The following XKR9 variants were observed in gnomAD, a reference collection of about 807,000 sequenced individuals.
The protein encoded by XKR9 is XK-related protein 9.
XKR9 carries 32 observed loss-of-function variants against 32.0 expected under a neutral mutation model. The ratio of observed to expected loss-of-function variants is 1.00; its 90% CI spans 0.76 to 1.34. The LOEUF is 1.34. XKR9 is among the 40% of genes most tolerant of loss of function. The probability of loss-of-function intolerance (pLI) is 0.00; values close to 1 mark genes in which losing one functional copy is unlikely to be tolerated. For synonymous variants in XKR9, 168 were observed against 143.4 expected (o/e 1.17, Z -1.22); for missense variants, 546 against 429.7 (o/e 1.27, Z -2.39).
At chr8:71,035,791 C>T in the XKR9 span, among the ~76,000 whole-genome samples, 1 of 152,114 alleles carries the variant, frequency 6.6e-6, no homozygotes, top group Non-Finnish European at 1.5e-5. Context: ...TCTCTCTGAC[C>T]TTCTCCTGCC....
the XKR9 span, among the ~76,000 whole-genome samples, chr8:70,942,982 T>G: frequency 7.9e-5 from 12 of 152,252 alleles, no homozygotes; most frequent in East Asian, 2.3e-3. Flanking sequence ...CTGAAGAGAT[T>G]TACATTTCAA....
chr8:70,796,550 G>T, the XKR9 span, among the ~76,000 whole-genome samples: 1 of 150,962 alleles, frequency 6.6e-6, no homozygotes, highest in Non-Finnish European at 1.5e-5. Flanking sequence ...TTTCTTTTTC[G>T]TTTGTTTTAA....
At chr8:70,840,657 C>A in the XKR9 span, among the ~76,000 whole-genome samples, 1 of 152,238 alleles carries the variant, frequency 6.6e-6, no homozygotes, top group African/African-American at 2.4e-5. Context: ...AGAGAAAAGA[C>A]TCACTCCATA....
chr8:70,946,911 G>T, the XKR9 span, among the ~76,000 whole-genome samples: 1 of 152,146 alleles, frequency 6.6e-6, no homozygotes, highest in South Asian at 2.1e-4. Flanking sequence ...TTTTAATATG[G>T]AATGGGTCCA....
intron 2 of XKR9, among the ~76,000 whole-genome samples, chr8:70,747,223 T>A (rs1351981174): frequency 6.6e-6 from 1 of 152,132 alleles, no homozygotes; most frequent in Non-Finnish European, 1.5e-5. Flanking sequence ...TAGACATGAG[T>A]GCGGGTGACT....
At chr8:70,671,345 T>C (rs1818710220) in intron 1 of XKR9, among the ~76,000 whole-genome samples, 1 of 51,242 alleles carries the variant, frequency 2.0e-5, no homozygotes, top group African/African-American at 5.1e-5. Flanking sequence ...TTTTTTTTTT[T>C]ATTATACTCT....
chr8:70,868,244 A>G, the XKR9 span, among the ~76,000 whole-genome samples: 1 of 152,162 alleles, frequency 6.6e-6, no homozygotes, highest in Admixed American at 6.5e-5. Context: ...CAGTTCCACT[A>G]GGTGGTTCCC....
the XKR9 span, among the ~76,000 whole-genome samples, chr8:70,859,450 G>A: frequency 2.2e-3 from 342 of 152,150 alleles, 1 homozygote; most frequent in African/African-American, 7.9e-3. Flanking sequence ...CAGTATGGAG[G>A]TTCCTCAAAA....
intron 4 of XKR9, among the ~76,000 whole-genome samples, chr8:70,732,519 G>A (rs755955779): frequency 1.1e-4 from 16 of 152,200 alleles, no homozygotes; most frequent in Non-Finnish European, 2.2e-4. Context: ...TAGTCACAAG[G>A]CCATTCCTGG....
At chr8:70,688,750 G>A (rs964035261) in intron 3 of XKR9, among the ~76,000 whole-genome samples, 1 of 149,542 alleles carries the variant, frequency 6.7e-6, no homozygotes, top group Admixed American at 6.7e-5. Context: ...GGAAAAAAAA[G>A]GAAGCAATAG....
chr8:70,783,353 A>G (rs1199843368), intron 2 of XKR9, among the ~76,000 whole-genome samples: 1 of 151,962 alleles, frequency 6.6e-6, no homozygotes, highest in Non-Finnish European at 1.5e-5. Flanking sequence ...CAGCCTCCCA[A>G]GTAGCTGGGA....
chr8:70,687,539 T>A (rs1343942935), intron 3 of XKR9, among the ~76,000 whole-genome samples: 1 of 151,992 alleles, frequency 6.6e-6, no homozygotes, highest in African/African-American at 2.4e-5. Context: ...CTGGCTAATT[T>A]TTTATTTTTT....
At chr8:70,707,527 C>T (rs1165076350) in intron 4 of XKR9, among the ~76,000 whole-genome samples, 1 of 151,916 alleles carries the variant, frequency 6.6e-6, no homozygotes, top group Non-Finnish European at 1.5e-5. Context: ...TTCCCACATT[C>T]ATTTTTATTA....
At chr8:70,926,084 CT>C in the XKR9 span, among the ~76,000 whole-genome samples, 1 of 151,986 alleles carries the variant, frequency 6.6e-6, no homozygotes, top group Non-Finnish European at 1.5e-5. Flanking sequence ...TTTTTCTAAA[CT>C]TTTTTTGAGA....
Position 70,735,795 on chromosome 8 carries a change from A to T in XKR9, c.*1371A>T, listed in dbSNP as rs1281632650. ...ATGTCCCTACAAAGGACATGAACTC[A>T]TCATTTTTTATGGCTGCATAGTATT... On this transcript the variant is annotated 3_prime_UTR_variant, in exon 5 of 5. Coordinates refer to ENST00000408926, the MANE Select transcript of XKR9 (RefSeq NM_001011720.2). 4.0e-5 allele frequency: 6 copies of T among 151,730 alleles called. No homozygotes were observed. Among genetic ancestry groups the T allele is most frequent in the African/African-American group, 1.4e-4 (6 of 41,402 alleles). 9.4% of individuals were successfully genotyped at this position (151,730 alleles called of 1,614,324 possible).
chr8:70,974,316 A>G, the XKR9 span, among the ~76,000 whole-genome samples: 3 of 151,720 alleles, frequency 2.0e-5, no homozygotes, highest in Non-Finnish European at 4.4e-5. Context: ...ATATGTATAC[A>G]TGTGCTGTGT....
At chr8:70,750,431 G>C (rs62532067) in intron 2 of XKR9, among the ~76,000 whole-genome samples, 11,048 of 152,222 alleles carry the variant, frequency 0.073, 473 homozygotes, top group Non-Finnish European at 0.089. Flanking sequence ...TGTGTATTCA[G>C]TAATGTTCTG....
Position 70,672,251 on chromosome 8 carries a change from C to T in XKR9, c.-360-2567C>T, listed in dbSNP as rs371291135. Among the ~76,000 whole-genome samples the T allele has an allele frequency of 1.5e-4, 12 of 79,234 alleles. 1 individual carries two copies. In the East Asian group the frequency reaches 1.7e-3, roughly 12 times the overall value. 52.0% of individuals were successfully genotyped at this position (79,234 alleles called of 152,430 possible). A position where few individuals can be genotyped will look rare whatever the true frequency, so the allele number is the denominator to read the frequency against. On this transcript the variant is annotated intron_variant, in intron 1 of 4. Transcript: ENST00000408926. ...GTTCATATGGAACCAAAAAAGAGCCCGCATTGCCAAGTCAATCCTAAGCCA... is the reference window on the plus strand; with the variant it reads ...GTTCATATGGAACCAAAAAAGAGCCTGCATTGCCAAGTCAATCCTAAGCCA...
chr8:70,789,708 C>A (rs1177150334), intron 3 of XKR9, among the ~76,000 whole-genome samples: 1 of 148,070 alleles, frequency 6.8e-6, no homozygotes, highest in Non-Finnish European at 1.5e-5. Flanking sequence ...TTTTTCATGA[C>A]CTATAGTTTT....
Sources: allele counts gnomAD v4.1 joint callset (sites outside exome capture counted in the v4.1 genomes callset), GRCh38; gene constraint gnomAD v4.1.1; transcripts MANE v1.5; gene names NCBI Gene and HGNC (gene_info 2026-07-23, HGNC 2026-07-21).